Variants in HOMER1 observed in about 807,000 individuals in gnomAD.
HOMER1 encodes the protein homer protein homolog 1.
Under a neutral mutation model 48.9 loss-of-function variants are expected in HOMER1, and 3 were observed. The observed-to-expected ratio is 0.06, with a 90% CI of 0.03 to 0.16. HOMER1 has a LOEUF of 0.16. Among genes scored for constraint, HOMER1 ranks in the 10% least tolerant of loss-of-function variants. The probability of loss-of-function intolerance (pLI) is 1.00; values close to 1 mark genes in which losing one functional copy is unlikely to be tolerated. For synonymous variants in HOMER1, 134 were observed against 146.4 expected (o/e 0.92, Z 0.61); for missense variants, 247 against 411.4 (o/e 0.60, Z 3.46).
At chr5:79,421,964 C>G (rs539329473) in intron 5 of HOMER1, among the ~76,000 whole-genome samples, 12 of 152,230 alleles carry the variant, frequency 7.9e-5, no homozygotes, top group African/African-American at 2.9e-4. Flanking sequence ...CAGTGGCTCA[C>G]ACCTCTAATC....
chr5:79,498,631 C>T (rs1194703391), intron 1 of HOMER1, among the ~76,000 whole-genome samples: 2 of 152,170 alleles, frequency 1.3e-5, no homozygotes, highest in East Asian at 3.8e-4. Flanking sequence ...CTCATACTAT[C>T]ACACATTTTT....
chr5:79,485,605 C>T (rs1580018603), intron 1 of HOMER1, among the ~76,000 whole-genome samples: 1 of 152,154 alleles, frequency 6.6e-6, no homozygotes, highest in East Asian at 1.9e-4. Context: ...GTACTTAGTA[C>T]ATGACAGGTC....
At chr5:79,486,125 G>A (rs528085520) in intron 1 of HOMER1, among the ~76,000 whole-genome samples, 1 of 152,226 alleles carries the variant, frequency 6.6e-6, no homozygotes, top group South Asian at 2.1e-4. Flanking sequence ...TTGACTTCCT[G>A]GCCAAGAGTA....
intron 8 of HOMER1, among the ~76,000 whole-genome samples, chr5:79,387,808 A>C (rs1185991931): frequency 6.6e-6 from 1 of 152,236 alleles, no homozygotes; most frequent in Non-Finnish European, 1.5e-5. Flanking sequence ...GTACACTGCA[A>C]TCACAGTCCT....
At chr5:79,438,315 T>G (rs753881926) in intron 5 of HOMER1, among the ~76,000 whole-genome samples, 5 of 152,246 alleles carry the variant, frequency 3.3e-5, no homozygotes, top group Non-Finnish European at 7.3e-5. Flanking sequence ...TTTGCAAGAT[T>G]GCAATTGCAC....
At chr5:79,411,335 A>G (rs1749809797) in intron 5 of HOMER1, among the ~76,000 whole-genome samples, 2 of 152,032 alleles carry the variant, frequency 1.3e-5, no homozygotes, top group African/African-American at 4.8e-5. Flanking sequence ...AAATAGAAAA[A>G]TTAGCCGGGC....
At chr5:79,505,694 A>G (rs1752747573) in intron 1 of HOMER1, among the ~76,000 whole-genome samples, 1 of 152,212 alleles carries the variant, frequency 6.6e-6, no homozygotes, top group Admixed American at 6.5e-5. Context: ...TGATTTTTTA[A>G]AAGGTAGAGA....
chr5:79,373,095 G>C lies in HOMER1; in HGVS notation c.*2914C>G, dbSNP rs1412415638. ...ACAAAAACTAATTTTCCAGGCAGGG[G>C]AATACTTATAAAACCTTTTATGTCA... On this transcript the variant is annotated 3_prime_UTR_variant, in exon 9 of 9. Transcript: ENST00000334082. 2 of 152,078 alleles carry C rather than the reference G, an allele frequency of 1.3e-5. No homozygotes were observed. Among genetic ancestry groups the C allele is most frequent in the South Asian group, 4.2e-4 (2 of 4,806 alleles). 9.4% of individuals were successfully genotyped at this position (152,078 alleles called of 1,614,324 possible).
At position 79,401,592 on chromosome 5, in the gene HOMER1, T is replaced by C. The variant is rs116621032; in HGVS notation, c.684+307A>G. On this transcript the variant is annotated intron_variant, in intron 6 of 8. Coordinates refer to ENST00000334082, the MANE Select transcript of HOMER1 (RefSeq NM_004272.5). ...TTCTCAGCACACACTTTAACTACCATGTCAGTACTAATCAACTAGCACTAA... is the reference window on the plus strand; with the variant it reads ...TTCTCAGCACACACTTTAACTACCACGTCAGTACTAATCAACTAGCACTAA... Among the ~76,000 whole-genome samples the C allele has an allele frequency of 8.0e-3, 1,222 of 152,292 alleles. 11 individuals are homozygous for C. The highest frequency in any genetic ancestry group is 0.026 in the African/African-American group (1,095 of 41,562).
At chr5:79,470,037 T>C (rs1435618480) in intron 1 of HOMER1, among the ~76,000 whole-genome samples, 1 of 152,184 alleles carries the variant, frequency 6.6e-6, no homozygotes, top group Non-Finnish European at 1.5e-5. Flanking sequence ...TGACCAAAAA[T>C]ATAATACAGG....
chr5:79,441,524 G>A (rs929874267), intron 4 of HOMER1, among the ~76,000 whole-genome samples: 5 of 152,016 alleles, frequency 3.3e-5, no homozygotes, highest in Non-Finnish European at 7.4e-5. Flanking sequence ...AAAGCAGCAA[G>A]TTTTTCTTCA....
At chr5:79,492,814 G>A (rs1052479434) in intron 1 of HOMER1, among the ~76,000 whole-genome samples, 3 of 150,472 alleles carry the variant, frequency 2.0e-5, no homozygotes, top group South Asian at 4.2e-4. Context: ...AAAGTGATAC[G>A]TATATTAAAA....
At chr5:79,385,424 T>TA (rs1230405816) in intron 8 of HOMER1, among the ~76,000 whole-genome samples, 3 of 151,956 alleles carry the variant, frequency 2.0e-5, no homozygotes, top group Non-Finnish European at 2.9e-5. Flanking sequence ...ATAACTCCAC[T>TA]AAAAAATGGG....
chr5:79,473,494 T>TATCC, intron 1 of HOMER1, among the ~76,000 whole-genome samples: 1 of 152,208 alleles, frequency 6.6e-6, no homozygotes, highest in Admixed American at 6.5e-5. Context: ...ATTATATTAA[T>TATCC]ATTAGAACTC....
At chr5:79,414,654 C>T (rs532171114) in intron 5 of HOMER1, among the ~76,000 whole-genome samples, 2 of 152,282 alleles carry the variant, frequency 1.3e-5, no homozygotes, top group African/African-American at 4.8e-5. Context: ...GCTGGGATTA[C>T]ACACATGAGC....
At chr5:79,391,458 A>G (rs999070170) in intron 8 of HOMER1, among the ~76,000 whole-genome samples, 4 of 151,860 alleles carry the variant, frequency 2.6e-5, no homozygotes, top group Non-Finnish European at 4.4e-5. Context: ...TGTATGAAAA[A>G]AAAAGGCCAG....
intron 1 of HOMER1, among the ~76,000 whole-genome samples, chr5:79,506,904 T>A (rs1580048879): frequency 6.6e-6 from 1 of 151,942 alleles, no homozygotes; most frequent in African/African-American, 2.4e-5. Context: ...ATTGAATGAT[T>A]AGCTTTTAAA....
chr5:79,481,396 T>C (rs1449063903), intron 1 of HOMER1, among the ~76,000 whole-genome samples: 1 of 152,218 alleles, frequency 6.6e-6, no homozygotes, highest in African/African-American at 2.4e-5. Context: ...AACCTTGCTC[T>C]ACACATATTC....
At chr5:79,438,359 G>T (rs1252628161) in intron 5 of HOMER1, among the ~76,000 whole-genome samples, 1 of 152,186 alleles carries the variant, frequency 6.6e-6, no homozygotes, top group East Asian at 1.9e-4. Context: ...ACCAAGTATG[G>T]CCAATAATGA....
Sources: gnomAD v4.1 joint callset for allele counts (sites outside exome capture counted in the v4.1 genomes callset) on GRCh38, gnomAD v4.1.1 for gene constraint, MANE v1.5 for transcripts, NCBI Gene and HGNC (gene_info 2026-07-23, HGNC 2026-07-21) for gene names.